PHACTR1: variants seen among roughly 807,000 people sequenced by gnomAD.
PHACTR1 encodes phosphatase and actin regulator 1.
A neutral mutation model predicts 69.2 loss-of-function variants in PHACTR1; 16 were observed. The ratio of observed to expected loss-of-function variants is 0.23; its 90% CI spans 0.16 to 0.35. The LOEUF (loss-of-function observed/expected upper bound fraction) is 0.35, where lower values mean the gene tolerates loss of function less well. Ranked by LOEUF, PHACTR1 falls within the 10% of genes least tolerant of loss-of-function variation. PHACTR1 has a pLI of 1.00. For synonymous variants in PHACTR1, 312 were observed against 284.5 expected, an observed-to-expected ratio of 1.10 and a Z score of -0.97; for missense variants, 510 against 734.7, an observed-to-expected ratio of 0.69 and a Z score of 3.54.
At chr6:12,926,941 C>T (rs1788334644) in intron 4 of PHACTR1, among the ~76,000 whole-genome samples, 1 of 152,210 alleles carries the variant, frequency 6.6e-6, no homozygotes, top group Non-Finnish European at 1.5e-5. Context: ...CTTTGTTTAG[C>T]TCTCATTTCT....
At chr6:12,951,046 T>G (rs1582658789) in intron 4 of PHACTR1, among the ~76,000 whole-genome samples, 1 of 152,230 alleles carries the variant, frequency 6.6e-6, no homozygotes, top group East Asian at 1.9e-4. Flanking sequence ...TTGCTCTCCC[T>G]AAGTAAAGCT....
At chr6:12,803,244 G>C (rs1773916980) in intron 4 of PHACTR1, among the ~76,000 whole-genome samples, 1 of 152,148 alleles carries the variant, frequency 6.6e-6, no homozygotes, top group Non-Finnish European at 1.5e-5. Flanking sequence ...ATAATTCACA[G>C]ATCTCTGGCA....
intron 4 of PHACTR1, among the ~76,000 whole-genome samples, chr6:12,958,810 C>T (rs1436126610): frequency 1.3e-5 from 2 of 152,190 alleles, no homozygotes; most frequent in Non-Finnish European, 2.9e-5. Flanking sequence ...GTTTTCACTG[C>T]CTTTCCTTCT....
In PHACTR1 at chr6:13,252,432, C is replaced by A. The variant is rs538604717; in HGVS notation, c.1392-20428C>A. Among the ~76,000 whole-genome samples the A allele has an allele frequency of 7.2e-5, 11 of 151,928 alleles. No individual in the cohort carries two copies. In the South Asian group the frequency reaches 1.0e-3, roughly 14 times the overall value. ...TCCATTTGACTCTCCATTTTCCATT[C>A]TTTTCCTTCTTTCCGTTTCCCATAT... On this transcript the variant is annotated intron_variant, in intron 10 of 14. Coordinates refer to ENST00000332995, the MANE Select transcript of PHACTR1 (RefSeq NM_030948.6).
intron 8 of PHACTR1, among the ~76,000 whole-genome samples, chr6:13,211,245 G>A (rs1665964430): frequency 6.6e-6 from 1 of 152,140 alleles, no homozygotes; most frequent in African/African-American, 2.4e-5. Context: ...TGTACCCAGT[G>A]TGTAGTCTTT....
At chr6:13,229,536 C>T (rs923694592) in intron 9 of PHACTR1, among the ~76,000 whole-genome samples, 1 of 152,114 alleles carries the variant, frequency 6.6e-6, no homozygotes, top group Non-Finnish European at 1.5e-5. Flanking sequence ...TTCTCCTTCA[C>T]GTCCCCCCAG....
chr6:13,175,192 C>CTGTA (rs1038448717), intron 6 of PHACTR1, among the ~76,000 whole-genome samples: 3 of 152,184 alleles, frequency 2.0e-5, no homozygotes, highest in African/African-American at 7.2e-5. Context: ...CTAGTTCTTG[C>CTGTA]TGTAATAGGT....
intron 11 of PHACTR1, chr6:13,273,954 G>T (rs1315193332): frequency 7.2e-6 from 1 of 138,616 alleles, no homozygotes; most frequent in Admixed American, 7.3e-5. Flanking sequence ...CAACCGCAGT[G>T]TGAGTTTGCC....
rs1355596122 is a variant in PHACTR1 at position 13,042,187 on chromosome 6, T to G, written c.251-11178T>G. Among the ~76,000 whole-genome samples the G allele has an allele frequency of 3.9e-5, 6 of 152,358 alleles. No homozygotes were observed. The East Asian group carries it at 1.2e-3, about 29-fold the overall frequency. On this transcript the variant is annotated intron_variant, in intron 4 of 14. Coordinates refer to ENST00000332995, the MANE Select transcript of PHACTR1 (RefSeq NM_030948.6). ...ATATATAGAGAAACAAATGAAATGT[T>G]ATACCCCACCTACATAATGGGGGTG...
intron 4 of PHACTR1, among the ~76,000 whole-genome samples, chr6:12,826,758 G>A (rs983249768): frequency 2.0e-5 from 3 of 152,096 alleles, no homozygotes; most frequent in Admixed American, 6.6e-5. Context: ...CAATATAAAG[G>A]AAATAATAAC....
At chr6:13,284,544 ATATATATATAT>A (rs1242348419) in intron 13 of PHACTR1, among the ~76,000 whole-genome samples, 1 of 66,284 alleles carries the variant, frequency 1.5e-5, no homozygotes, top group Admixed American at 1.8e-4. Flanking sequence ...AAAAAAAAAA[ATATATATATAT>A]ATATATATAT....
At chr6:13,129,413 C>T (rs532172491) in intron 5 of PHACTR1, among the ~76,000 whole-genome samples, 6 of 152,170 alleles carry the variant, frequency 3.9e-5, no homozygotes, top group Admixed American at 1.3e-4. Flanking sequence ...CTTCAAGAGA[C>T]TTATCTAACA....
In PHACTR1 at chr6:13,027,353, C is replaced by T. The variant is rs1307023799; in HGVS notation, c.251-26012C>T. ...ATATTGAGGTCAGTACTGTTGTATC[C>T]AGTCCAAGGTGATAAGGCAGAAAAG... is the stretch of plus-strand genomic sequence containing the variant. On this transcript the variant is annotated intron_variant, in intron 4 of 14. Coordinates refer to ENST00000332995, the MANE Select transcript of PHACTR1 (RefSeq NM_030948.6). Among the ~76,000 whole-genome samples the T allele has an allele frequency of 3.3e-5, 5 of 152,024 alleles. No individual in the cohort carries two copies. In the East Asian group the frequency reaches 7.7e-4, roughly 23 times the overall value.
At chr6:12,992,643 A>G (rs1211822896) in intron 4 of PHACTR1, among the ~76,000 whole-genome samples, 1 of 152,188 alleles carries the variant, frequency 6.6e-6, no homozygotes, top group Non-Finnish European at 1.5e-5. Context: ...GCTGTTTTTC[A>G]TTGCCTTATG....
Position 12,813,230 on chromosome 6 carries a change from A to T in PHACTR1, c.250+63440A>T, listed in dbSNP as rs561915267. ...CTGAAACTCATTTTTATTTTTATAA[A>T]TGTGTGTTGTCTAAATGTGTGCTAG... is the stretch of plus-strand genomic sequence containing the variant. On this transcript the variant is annotated intron_variant, in intron 4 of 14. Coordinates refer to ENST00000332995, the MANE Select transcript of PHACTR1 (RefSeq NM_030948.6). Among the ~76,000 whole-genome samples, 15 of 152,330 alleles carry T rather than the reference A, an allele frequency of 9.8e-5. No homozygotes were observed. The South Asian group carries it at 1.2e-3, about 13-fold the overall frequency.
chr6:13,018,000 A>G (rs556803590), intron 4 of PHACTR1, among the ~76,000 whole-genome samples: 22 of 152,370 alleles, frequency 1.4e-4, no homozygotes, highest in African/African-American at 4.3e-4. Flanking sequence ...ATAGAAATTT[A>G]CTAATCCATG....
At chr6:13,169,881 A>G (rs1028704577) in intron 6 of PHACTR1, among the ~76,000 whole-genome samples, 1 of 152,210 alleles carries the variant, frequency 6.6e-6, no homozygotes, top group Non-Finnish European at 1.5e-5. Context: ...TAATTTTTGT[A>G]TGTTTGTCCT....
At chr6:13,168,281 G>C (rs573994465) in intron 6 of PHACTR1, among the ~76,000 whole-genome samples, 18 of 152,164 alleles carry the variant, frequency 1.2e-4, no homozygotes, top group Non-Finnish European at 1.9e-4. Flanking sequence ...AAAATGTAAA[G>C]GTGTTAAATT....
intron 4 of PHACTR1, among the ~76,000 whole-genome samples, chr6:12,930,153 C>T (rs773671742): frequency 3.3e-5 from 5 of 151,928 alleles, no homozygotes; most frequent in Admixed American, 2.0e-4. Context: ...AAGCGATTCT[C>T]CCACCCAGGC....
Sources: allele counts gnomAD v4.1 joint callset (sites outside exome capture counted in the v4.1 genomes callset), GRCh38; gene constraint gnomAD v4.1.1; transcripts MANE v1.5; gene names NCBI Gene and HGNC (gene_info 2026-07-23, HGNC 2026-07-21).